TTC23: variants seen among roughly 807,000 people sequenced by gnomAD.
TTC23 encodes tetratricopeptide repeat protein 23.
A neutral mutation model predicts 55.1 loss-of-function variants in TTC23; 58 were observed. The observed-to-expected ratio is 1.05, with a 90% CI of 0.85 to 1.31. The LOEUF is 1.31. Among genes scored for constraint, TTC23 ranks in the 50% most tolerant of loss-of-function variants. The pLI is 0.00. For synonymous variants in TTC23, 203 were observed against 199.9 expected, an observed-to-expected ratio of 1.02 and a Z score of -0.13; for missense variants, 516 against 534.4, an observed-to-expected ratio of 0.97 and a Z score of 0.34.
chr15:99,215,938 T>C (rs989206414), intron 8 of TTC23, among the ~76,000 whole-genome samples: 1 of 152,062 alleles, frequency 6.6e-6, no homozygotes, highest in South Asian at 2.1e-4. Flanking sequence ...TTAAAAGGTA[T>C]TGTAGGAAAA....
rs569235038 is a variant in TTC23, at chr15:99,244,765, T to TGTTA, written c.-309+623_-309+624insTAAC. Among the ~76,000 whole-genome samples, 3 of 152,228 alleles carry TGTTA rather than the reference T, an allele frequency of 2.0e-5. No homozygotes were observed. The East Asian group carries it at 5.8e-4, about 29-fold the overall frequency. ...AAACTCAGCTGTTTTTTTGCAGAAA[T>TGTTA]TAACAAGTTGATCCTTATTATGGAT... On this transcript the variant is annotated intron_variant, in intron 2 of 13. Coordinates refer to ENST00000394132, the MANE Select transcript of TTC23 (RefSeq NM_001288615.3).
intron 4 of TTC23, among the ~76,000 whole-genome samples, chr15:99,231,927 G>T: frequency 6.6e-6 from 1 of 151,892 alleles, no homozygotes; most frequent in East Asian, 2.0e-4. Flanking sequence ...TGAGTAGGTG[G>T]GATTACAGGC....
chr15:99,143,173 T>A (rs150699879), intron 12 of TTC23, among the ~76,000 whole-genome samples: 1 of 152,378 alleles, frequency 6.6e-6, no homozygotes, highest in Non-Finnish European at 1.5e-5. Context: ...AAATGACTAC[T>A]CTTCCAAAGA....
At chr15:99,219,728 G>A (rs2077761612) in intron 6 of TTC23, among the ~76,000 whole-genome samples, 1 of 152,102 alleles carries the variant, frequency 6.6e-6, no homozygotes, top group Non-Finnish European at 1.5e-5. Flanking sequence ...GAGATCGCTA[G>A]CACGGCTTCA....
rs145090344 is a variant in TTC23, at chr15:99,229,794, T to A, written c.-20-1062A>T. Reference sequence around the variant, plus strand: ...CAACCAGACTGAAAAAATTTCTAATTCATGAGGCATTAGATAGTTAGAGTA... The same window carrying A: ...CAACCAGACTGAAAAAATTTCTAATACATGAGGCATTAGATAGTTAGAGTA... On this transcript the variant is annotated intron_variant, in intron 4 of 13. Coordinates refer to ENST00000394132, the MANE Select transcript of TTC23 (RefSeq NM_001288615.3). Among the ~76,000 whole-genome samples, 233 of 152,348 alleles carry A rather than the reference T, an allele frequency of 1.5e-3. 2 individuals are homozygous for A. Among genetic ancestry groups the A allele is most frequent in the African/African-American group, 5.3e-3 (222 of 41,578 alleles).
At chr15:99,171,710 G>T (rs564282884) in intron 10 of TTC23, among the ~76,000 whole-genome samples, 2 of 151,376 alleles carry the variant, frequency 1.3e-5, no homozygotes, top group Non-Finnish European at 2.9e-5. Context: ...CTACAGGTGC[G>T]CAACACAACA....
intron 9 of TTC23, among the ~76,000 whole-genome samples, chr15:99,185,116 C>T (rs967635449): frequency 5.3e-5 from 8 of 152,100 alleles, no homozygotes; most frequent in African/African-American, 1.9e-4. Context: ...TACCCAGTCT[C>T]GGGTATTTCC....
chr15:99,147,241 T>G (rs1242982008), intron 12 of TTC23, among the ~76,000 whole-genome samples: 1 of 122,756 alleles, frequency 8.1e-6, no homozygotes, highest in African/African-American at 3.6e-5. Context: ...TTTTTTTTTT[T>G]TTGAGACAGA....
intron 8 of TTC23, among the ~76,000 whole-genome samples, chr15:99,202,815 C>A (rs1042997176): frequency 1.3e-5 from 2 of 152,212 alleles, no homozygotes; most frequent in Admixed American, 6.5e-5. Context: ...GTAGTCCAAG[C>A]AGCCTTGTTG....
At chr15:99,207,919 T>G (rs1203095714) in intron 8 of TTC23, among the ~76,000 whole-genome samples, 1 of 152,188 alleles carries the variant, frequency 6.6e-6, no homozygotes, top group Non-Finnish European at 1.5e-5. Flanking sequence ...AAATTGAAGA[T>G]GCAGATGCTT....
At chr15:99,215,778 C>T (rs144073846) in intron 8 of TTC23, among the ~76,000 whole-genome samples, 95 of 151,168 alleles carry the variant, frequency 6.3e-4, no homozygotes, top group Middle Eastern at 3.4e-3. Context: ...AAATAAAAAA[C>T]AAAAGAAAAA....
chr15:99,175,234 A>G, intron 9 of TTC23, 79 bp from the exon 10 acceptor site: 1 of 1,164,534 alleles, frequency 8.6e-7, no homozygotes, highest in South Asian at 1.4e-5. Flanking sequence ...TTGCAGAGAT[A>G]AGCAGAAAGC....
At position 99,228,558 on chromosome 15, in the gene TTC23, G is replaced by C; in HGVS notation, c.155C>G (p.Ala52Gly). 2 of 1,612,948 alleles carry C rather than the reference G, an allele frequency of 1.2e-6. No homozygotes were observed. Among genetic ancestry groups the C allele is most frequent in the Non-Finnish European group, 1.7e-6 (2 of 1,179,494 alleles). ...REKLHLCEEK[A>G]KSYSNSHEYK... The stretch of plus-strand genomic sequence containing the variant: ...CTCATGACTGTTGGAATAGGACTTT[G>C]CTTTCTCTTCACAGAGGTGGAGTTT... The change falls in exon 5 of 14, where the codon GCA becomes GGA. Residue 52 changes from alanine to glycine, a missense_variant. Physicochemically the swap from Ala to Gly is moderately conservative, Grantham distance 60 (BLOSUM62 0). Transcript: ENST00000394132.
chr15:99,203,315 AT>A (rs1315705083), intron 8 of TTC23, among the ~76,000 whole-genome samples: 1 of 152,150 alleles, frequency 6.6e-6, no homozygotes, highest in Admixed American at 6.5e-5. Context: ...TAGAGGACAA[AT>A]TTTTTTAAAA....
At chr15:99,171,614 G>A (rs2072944916) in intron 10 of TTC23, among the ~76,000 whole-genome samples, 1 of 135,302 alleles carries the variant, frequency 7.4e-6, no homozygotes, top group Admixed American at 8.4e-5. Context: ...CCAGGCTGTA[G>A]TGCAGTGGTA....
intron 9 of TTC23, among the ~76,000 whole-genome samples, chr15:99,178,760 A>G (rs1433934980): frequency 6.6e-6 from 1 of 152,228 alleles, no homozygotes; most frequent in East Asian, 1.9e-4. Flanking sequence ...TCAATCAGGC[A>G]GGAAAGAGAT....
At chr15:99,214,999 G>A (rs2077360038) in intron 8 of TTC23, among the ~76,000 whole-genome samples, 1 of 151,616 alleles carries the variant, frequency 6.6e-6, no homozygotes, top group African/African-American at 2.4e-5. Context: ...GGGATTACAG[G>A]TGCCCACCAT....
At chr15:99,138,560 G>A (rs886625248) in intron 13 of TTC23, among the ~76,000 whole-genome samples, 4 of 152,174 alleles carry the variant, frequency 2.6e-5, no homozygotes, top group African/African-American at 7.2e-5. Context: ...GTGATCCACC[G>A]CCTCGGCCTC....
At chr15:99,237,289 A>T (rs1435660898) in intron 3 of TTC23, among the ~76,000 whole-genome samples, 3 of 152,130 alleles carry the variant, frequency 2.0e-5, no homozygotes, top group Admixed American at 2.0e-4. Flanking sequence ...GCCAATTCCT[A>T]AGTATTTACA....
Sources: gnomAD v4.1 joint callset for allele counts (sites outside exome capture counted in the v4.1 genomes callset) on GRCh38, gnomAD v4.1.1 for gene constraint, MANE v1.5 for transcripts, NCBI Gene and HGNC (gene_info 2026-07-23, HGNC 2026-07-21) for gene names.